PLSCR5: variants seen among roughly 807,000 people sequenced by gnomAD.
PLSCR5 encodes phospholipid scramblase family member 5.
Under a neutral mutation model 33.6 loss-of-function variants are expected in PLSCR5, and 44 were observed. That is an observed-to-expected ratio of 1.31 (90% confidence interval 1.03 to 1.69). The LOEUF (loss-of-function observed/expected upper bound fraction) is 1.69. Among genes scored for constraint, PLSCR5 ranks in the 40% most tolerant of loss-of-function variants. PLSCR5 has a pLI of 0.00. For missense variants in PLSCR5, 375 were observed against 318.7 expected (o/e 1.18, Z -1.34); for synonymous variants, 148 against 112.3 (o/e 1.32, Z -2.01).
intron 2 of PLSCR5, 76 bp from the exon 3 acceptor site, chr3:146,595,159 C>T: frequency 1.4e-6 from 1 of 725,908 alleles, no homozygotes; most frequent in Non-Finnish European, 2.0e-6. Flanking sequence ...TACTAGTACC[C>T]TATTTACTAT....
intron 7 of PLSCR5, among the ~76,000 whole-genome samples, chr3:146,578,444 A>C (rs1419063518): frequency 4.6e-5 from 7 of 151,772 alleles, no homozygotes; most frequent in Non-Finnish European, 1.0e-4. Context: ...AAAGGAATAA[A>C]AGCATCTCTC....
At chr3:146,596,098 AATG>A (rs143692757) in intron 2 of PLSCR5, among the ~76,000 whole-genome samples, 2,201 of 152,338 alleles carry the variant, frequency 0.014, 58 homozygotes, top group African/African-American at 0.051. Flanking sequence ...ATAATTGAGA[AATG>A]ATGATTAAAT....
intron 2 of PLSCR5, among the ~76,000 whole-genome samples, chr3:146,597,270 A>G (rs1055663568): frequency 5.9e-5 from 9 of 152,166 alleles, no homozygotes; most frequent in African/African-American, 1.9e-4. Flanking sequence ...CTAGATGTTT[A>G]GACAGCATCT....
intron 2 of PLSCR5, among the ~76,000 whole-genome samples, chr3:146,599,891 A>G (rs1488144142): frequency 6.6e-6 from 1 of 151,972 alleles, no homozygotes; most frequent in East Asian, 1.9e-4. Flanking sequence ...CCTGGTCTGG[A>G]ACTCCTGGCT....
At chr3:146,591,926 A>G (rs868755713) in intron 4 of PLSCR5, 45 bp from the exon 5 acceptor site, 9 of 1,456,816 alleles carry the variant, frequency 6.2e-6, no homozygotes, top group African/African-American at 5.8e-5. Context: ...TTAGGTTATC[A>G]TATTTTAATT....
chr3:146,603,167 G>C lies in PLSCR5; in HGVS notation c.13+2033C>G, dbSNP rs868293167. Among the ~76,000 whole-genome samples, 3 of 152,108 alleles carry C rather than the reference G, an allele frequency of 2.0e-5. No homozygotes were observed. The East Asian group carries it at 5.8e-4, about 29-fold the overall frequency. On this transcript the variant is annotated intron_variant, in intron 1 of 7. Transcript: ENST00000443512. Reference sequence around the variant, plus strand: ...GTCTTTTGGTTTAGTAGTGCTGATTGATCTGCCTATGAAATATGTGAAATG... The same window carrying C: ...GTCTTTTGGTTTAGTAGTGCTGATTCATCTGCCTATGAAATATGTGAAATG...
chr3:146,592,429 G>A (rs2044723943), intron 4 of PLSCR5, among the ~76,000 whole-genome samples: 1 of 152,076 alleles, frequency 6.6e-6, no homozygotes, highest in South Asian at 2.1e-4. Flanking sequence ...CTTCCAAAGT[G>A]TTCGAGACTA....
exon 8 of PLSCR5, chr3:146,576,676 G>C (rs1344283844): frequency 2.0e-5 from 3 of 151,910 alleles, no homozygotes; most frequent in Non-Finnish European, 4.4e-5. Flanking sequence ...GTGAGGTCCA[G>C]TGCAGGCCAT....
Position 146,589,774 on chromosome 3 carries a change from G to T in PLSCR5, c.656C>A (p.Ser219Ter). 1.3e-6 allele frequency: 2 copies of T among 1,577,952 alleles called. No homozygotes were observed. The highest frequency in any genetic ancestry group is 4.5e-5 in the East Asian group (2 of 44,238). Residue 219 changes from serine (S) to a stop codon, truncating the protein, a stop_gained, in exon 6 of 8, where the codon TCA becomes TAA. Coordinates refer to ENST00000443512, the MANE Select transcript of PLSCR5 (RefSeq NM_001085420.2). LOFTEE classifies it high-confidence loss of function. ...INEKLTIGKISKYWSGFVNDV... is the reference protein window; with the variant it reads ...INEKLTIGKI Reference sequence around the variant, plus strand: ...ATTTACAAATCCTGACCAGTACTTTGAAATCTTCCCAATTGTAAGCTTTTC... The same window carrying T: ...ATTTACAAATCCTGACCAGTACTTTTAAATCTTCCCAATTGTAAGCTTTTC...
chr3:146,601,291 A>G (rs892693506), intron 1 of PLSCR5, among the ~76,000 whole-genome samples: 2 of 152,144 alleles, frequency 1.3e-5, no homozygotes, highest in African/African-American at 4.8e-5. Context: ...AAAAATATAA[A>G]TGATAGCCTT....
downstream of PLSCR5, among the ~76,000 whole-genome samples, chr3:146,583,787 A>G (rs1017669518): frequency 3.9e-5 from 6 of 152,142 alleles, no homozygotes; most frequent in African/African-American, 1.2e-4. Flanking sequence ...GCTCTGTCCA[A>G]TATTTTAGGG....
chr3:146,600,440 G>A lies in PLSCR5; in HGVS notation c.37C>T (p.Leu13=). ...SKDAQNQRRG[L]PGFLPGAPDP... ...GGAGCTCCAGGAAGAAAACCAGGCA[G>A]ACCTCTTCTTTGGTTCTGGGCATCT... Residue 13 remains leucine, a synonymous_variant, in exon 2 of 8, where the codon CTG becomes TTG. Coordinates refer to ENST00000443512, the MANE Select transcript of PLSCR5 (RefSeq NM_001085420.2). 1.3e-6 allele frequency: 2 copies of A among 1,599,112 alleles called. No homozygotes were observed.
At chr3:146,599,282 C>T (rs2044789657) in intron 2 of PLSCR5, among the ~76,000 whole-genome samples, 1 of 152,104 alleles carries the variant, frequency 6.6e-6, no homozygotes, top group African/African-American at 2.4e-5. Flanking sequence ...CTCTTTTAAG[C>T]AAATTGGCCT....
chr3:146,595,616 A>G (rs771919206), intron 2 of PLSCR5, among the ~76,000 whole-genome samples: 6 of 152,032 alleles, frequency 3.9e-5, no homozygotes, highest in Admixed American at 1.3e-4. Flanking sequence ...AAAAAAAAAG[A>G]AAAAGAAAGA....
intron 7 of PLSCR5, among the ~76,000 whole-genome samples, chr3:146,578,523 C>T (rs1243743109): frequency 6.6e-6 from 1 of 151,952 alleles, no homozygotes; most frequent in Non-Finnish European, 1.5e-5. Flanking sequence ...ATTTCCTGCC[C>T]ACTCATATTC....
At chr3:146,600,909 T>A (rs2044808418) in intron 1 of PLSCR5, among the ~76,000 whole-genome samples, 1 of 148,374 alleles carries the variant, frequency 6.7e-6, no homozygotes, top group South Asian at 2.1e-4. Flanking sequence ...GGTATATACA[T>A]ACAAATCGAT....
intron 6 of PLSCR5, among the ~76,000 whole-genome samples, chr3:146,587,437 A>G (rs2044675035): frequency 6.6e-6 from 1 of 152,186 alleles, no homozygotes; most frequent in African/African-American, 2.4e-5. Flanking sequence ...GTTATGTAAA[A>G]TAGGTGAGTA....
chr3:146,577,950 T>C (rs1560103594), intron 7 of PLSCR5, among the ~76,000 whole-genome samples: 1 of 152,176 alleles, frequency 6.6e-6, no homozygotes, highest in Non-Finnish European at 1.5e-5. Context: ...AAGTAACAAC[T>C]GTTTAATTCT....
intron 3 of PLSCR5, among the ~76,000 whole-genome samples, chr3:146,594,704 C>T (rs1264996546): frequency 3.3e-5 from 5 of 152,032 alleles, no homozygotes; most frequent in Non-Finnish European, 4.4e-5. Flanking sequence ...TAGTCAAAAC[C>T]TTGACTTCCA....
Sources: gnomAD v4.1 joint callset for allele counts (sites outside exome capture counted in the v4.1 genomes callset) on GRCh38, gnomAD v4.1.1 for gene constraint, MANE v1.5 for transcripts, NCBI Gene and HGNC (gene_info 2026-07-23, HGNC 2026-07-21) for gene names.